ARHGEF38: variants seen among roughly 807,000 people sequenced by gnomAD.
The protein encoded by ARHGEF38 is Rho guanine nucleotide exchange factor (GEF) 38.
A neutral mutation model predicts 79.9 loss-of-function variants in ARHGEF38; 79 were observed. The observed-to-expected ratio is 0.99, with a 90% CI of 0.82 to 1.19. ARHGEF38 has a LOEUF of 1.19. Ranked by LOEUF, ARHGEF38 falls within the 50% of genes most tolerant of loss-of-function variation. The pLI is 0.00. For synonymous variants in ARHGEF38, 366 were observed against 328.3 expected (o/e 1.11, Z -1.24); for missense variants, 962 against 907.2 (o/e 1.06, Z -0.78).
intron 6 of ARHGEF38, among the ~76,000 whole-genome samples, chr4:105,648,078 C>T (rs541938951): frequency 1.3e-5 from 2 of 151,740 alleles, no homozygotes; most frequent in South Asian, 2.1e-4. Flanking sequence ...TTAGTAGAGA[C>T]GAGGTTTCAC....
intron 1 of ARHGEF38, among the ~76,000 whole-genome samples, chr4:105,555,019 T>C (rs1420652081): frequency 6.6e-6 from 1 of 152,158 alleles, no homozygotes; most frequent in Admixed American, 6.6e-5. Context: ...GAAAATAATT[T>C]TTGCTATTCA....
chr4:105,656,723 G>A (rs1730342800), intron 9 of ARHGEF38, among the ~76,000 whole-genome samples: 1 of 152,078 alleles, frequency 6.6e-6, no homozygotes, highest in South Asian at 2.1e-4. Flanking sequence ...TTCATGGAGT[G>A]GCCTTTTGGT....
intron 5 of ARHGEF38, among the ~76,000 whole-genome samples, chr4:105,641,502 C>T (rs1282507984): frequency 6.6e-6 from 1 of 151,662 alleles, no homozygotes; most frequent in Non-Finnish European, 1.5e-5. Context: ...ATACAGTTTC[C>T]TTTAAAATTG....
chr4:105,618,874 T>C (rs891648045), intron 3 of ARHGEF38, among the ~76,000 whole-genome samples: 3 of 152,208 alleles, frequency 2.0e-5, no homozygotes, highest in Non-Finnish European at 4.4e-5. Flanking sequence ...TTAATTTTCC[T>C]TCTCTGACAA....
At chr4:105,613,751 T>G (rs1378462174) in intron 3 of ARHGEF38, among the ~76,000 whole-genome samples, 1 of 152,144 alleles carries the variant, frequency 6.6e-6, no homozygotes, top group Non-Finnish European at 1.5e-5. Context: ...TTTCCAATCT[T>G]TCAATCTCTT....
intron 1 of ARHGEF38, chr4:105,570,028 T>C (rs1272499491): frequency 1.3e-5 from 2 of 152,186 alleles, no homozygotes; most frequent in East Asian, 3.9e-4. Context: ...TGATGTACCA[T>C]GATCACGACA....
chr4:105,617,521 T>A (rs1319208990), intron 3 of ARHGEF38, among the ~76,000 whole-genome samples: 3 of 152,202 alleles, frequency 2.0e-5, no homozygotes, highest in Non-Finnish European at 2.9e-5. Context: ...TTCCTGCTGG[T>A]CATTAATCAG....
intron 1 of ARHGEF38, among the ~76,000 whole-genome samples, chr4:105,573,582 C>T (rs1016838349): frequency 4.6e-5 from 7 of 152,078 alleles, no homozygotes; most frequent in Non-Finnish European, 8.8e-5. Flanking sequence ...TTTCATTAGT[C>T]TGTATTTATG....
intron 4 of ARHGEF38, chr4:105,631,633 G>A (rs1729197959): frequency 2.0e-6 from 2 of 984,938 alleles, no homozygotes; most frequent in South Asian, 9.4e-5. Flanking sequence ...GTGAAAATCT[G>A]AAAAATATAA....
intron 10 of ARHGEF38, among the ~76,000 whole-genome samples, chr4:105,664,587 T>C (rs980961974): frequency 6.6e-6 from 1 of 152,220 alleles, no homozygotes; most frequent in African/African-American, 2.4e-5. Context: ...GCGTGTAAAG[T>C]ATGTGATTTG....
At chr4:105,648,955 A>G (rs1260963384) in intron 7 of ARHGEF38, among the ~76,000 whole-genome samples, 1 of 152,030 alleles carries the variant, frequency 6.6e-6, no homozygotes, top group Non-Finnish European at 1.5e-5. Context: ...AAAGAGAGAC[A>G]CGGACATGGG....
intron 5 of ARHGEF38, among the ~76,000 whole-genome samples, chr4:105,641,534 A>G (rs1246943479): frequency 6.6e-6 from 1 of 152,116 alleles, no homozygotes; most frequent in East Asian, 1.9e-4. Context: ...TTAAAAGGAG[A>G]GTAAATTGAA....
chr4:105,612,929 A>G (rs1000206775), intron 2 of ARHGEF38, among the ~76,000 whole-genome samples: 1 of 152,128 alleles, frequency 6.6e-6, no homozygotes, highest in African/African-American at 2.4e-5. Context: ...AAAAAAAGGA[A>G]AAAGCAACCC....
At chr4:105,613,015 G>A (rs1728361296) in intron 2 of ARHGEF38, among the ~76,000 whole-genome samples, 1 of 152,028 alleles carries the variant, frequency 6.6e-6, no homozygotes, top group Admixed American at 6.6e-5. Flanking sequence ...CTTGCCTCGG[G>A]TAAGGTCTGA....
intron 1 of ARHGEF38, among the ~76,000 whole-genome samples, chr4:105,564,923 C>G (rs1725814579): frequency 6.6e-6 from 1 of 152,148 alleles, no homozygotes; most frequent in African/African-American, 2.4e-5. Context: ...ACATTTTAAG[C>G]TTGGGTCAGG....
intron 5 of ARHGEF38, among the ~76,000 whole-genome samples, chr4:105,643,212 G>A (rs1437059488): frequency 6.6e-6 from 1 of 151,156 alleles, no homozygotes; most frequent in Non-Finnish European, 1.5e-5. Flanking sequence ...ACTTCACTCA[G>A]TCGTCTTGGA....
intron 1 of ARHGEF38, 64 bp downstream of exon 1, chr4:105,553,025 C>A: frequency 7.5e-7 from 1 of 1,326,504 alleles, no homozygotes; most frequent in Non-Finnish European, 1.0e-6. Context: ...GCTACGTTTC[C>A]AATTGCAAAG....
Position 105,615,647 on chromosome 4 carries a change from A to T in ARHGEF38, c.508+2140A>T, listed in dbSNP as rs150199105. 2.4e-3 allele frequency among the ~76,000 whole-genome samples: 360 copies of T among 152,310 alleles called. 4 individuals are homozygous for T. Among genetic ancestry groups the T allele is most frequent in the African/African-American group, 8.4e-3 (349 of 41,558 alleles). On this transcript the variant is annotated intron_variant, in intron 3 of 13. Transcript: ENST00000420470. Reference sequence around the variant, plus strand: ...TTCCTTTTTAAAAATTATTATTATTATTAGTTGCATCAGAAGAGGTTTTAT... The same window carrying T: ...TTCCTTTTTAAAAATTATTATTATTTTTAGTTGCATCAGAAGAGGTTTTAT...
intron 2 of ARHGEF38, among the ~76,000 whole-genome samples, chr4:105,610,915 C>T (rs962740479): frequency 6.6e-6 from 1 of 151,966 alleles, no homozygotes; most frequent in Non-Finnish European, 1.5e-5. Context: ...GTGAAAAACT[C>T]AGGAACAAAC....
Sources: allele counts gnomAD v4.1 joint callset (sites outside exome capture counted in the v4.1 genomes callset), GRCh38; gene constraint gnomAD v4.1.1; transcripts MANE v1.5; gene names NCBI Gene and HGNC (gene_info 2026-07-23, HGNC 2026-07-21).